Variants in PI15 observed in about 807,000 individuals in gnomAD.
The protein encoded by PI15 is 25 kDa trypsin inhibitor.
In PI15, 18 loss-of-function variants were observed where a neutral mutation model predicts 31.0. The ratio of observed to expected loss-of-function variants is 0.58; its 90% CI spans 0.40 to 0.86. The LOEUF is 0.86. Among genes scored for constraint, PI15 ranks in the 40% least tolerant of loss-of-function variants. The probability of loss-of-function intolerance (pLI) is 0.00; values close to 1 mark genes in which losing one functional copy is unlikely to be tolerated. For synonymous variants in PI15, 118 were observed against 119.1 expected (o/e 0.99, Z 0.06); for missense variants, 282 against 328.1 (o/e 0.86, Z 1.09).
chr8:74,826,660 C>T (rs2128763158), intron 2 of PI15, among the ~76,000 whole-genome samples: 1 of 152,120 alleles, frequency 6.6e-6, no homozygotes, highest in South Asian at 2.1e-4. Context: ...AGAATATGGG[C>T]TATATAATCT....
chr8:74,837,922 G>A (rs971225995), intron 2 of PI15, among the ~76,000 whole-genome samples: 1 of 151,950 alleles, frequency 6.6e-6, no homozygotes, highest in Non-Finnish European at 1.5e-5. Flanking sequence ...ACTTCTCAAA[G>A]TTCACTTTAA....
chr8:74,832,473 C>T (rs1161523193), intron 2 of PI15, among the ~76,000 whole-genome samples: 1 of 151,842 alleles, frequency 6.6e-6, no homozygotes, highest in African/African-American at 2.4e-5. Flanking sequence ...AGCATAGGTG[C>T]ATTATTTTAT....
chr8:74,844,894 C>T (rs1247651166), intron 3 of PI15: 1 of 478,952 alleles, frequency 2.1e-6, no homozygotes, highest in East Asian at 3.1e-5. Flanking sequence ...AATGACCAGA[C>T]ACATGTTTAG....
At chr8:74,827,572 G>A (rs985040058) in intron 2 of PI15, among the ~76,000 whole-genome samples, 1 of 152,076 alleles carries the variant, frequency 6.6e-6, no homozygotes, top group Non-Finnish European at 1.5e-5. Context: ...AGATGTCAAC[G>A]AGTAGGCCAA....
chr8:74,847,375 G>A (rs1263916542), intron 5 of PI15, among the ~76,000 whole-genome samples: 1 of 151,926 alleles, frequency 6.6e-6, no homozygotes, highest in African/African-American at 2.4e-5. Context: ...AGCCTGGGTG[G>A]TGGAGGTTGC....
chr8:74,827,090 G>T (rs1371618417), intron 2 of PI15, among the ~76,000 whole-genome samples: 2 of 152,066 alleles, frequency 1.3e-5, no homozygotes, highest in African/African-American at 2.4e-5. Context: ...TGAGTTTAGA[G>T]AATTTGTAGC....
Position 74,844,206 on chromosome 8 carries a change from A to G in PI15, c.392+107A>G, listed in dbSNP as rs942201100. ...AGTAATATCAACAAATTCTTATTGAATGCTCACTATGTGTCAGGTACTAAC... is the reference window on the plus strand; with the variant it reads ...AGTAATATCAACAAATTCTTATTGAGTGCTCACTATGTGTCAGGTACTAAC... On this transcript the variant is annotated intron_variant, in intron 3 of 5. Coordinates refer to ENST00000260113, the MANE Select transcript of PI15 (RefSeq NM_015886.5). 3.7e-5 allele frequency: 27 copies of G among 724,624 alleles called. No homozygotes were observed. The Admixed American group carries it at 4.8e-4, about 13-fold the overall frequency. The allele number at this position is 724,624 out of a possible 1,614,324, so 44.9% of individuals were successfully genotyped here.
At chr8:74,831,982 G>T (rs1810788472) in intron 2 of PI15, among the ~76,000 whole-genome samples, 1 of 151,948 alleles carries the variant, frequency 6.6e-6, no homozygotes. Context: ...AAGATCCAGG[G>T]TAATCATTGA....
intron 5 of PI15, among the ~76,000 whole-genome samples, chr8:74,848,704 AATATATATAAATATAT>A (rs1170783149): frequency 6.4e-4 from 92 of 143,880 alleles, no homozygotes; most frequent in African/African-American, 2.2e-3. Flanking sequence ...ATATATATAC[AATATATATAAATATAT>A]ATATATATAT....
rs921719808 is a variant in PI15 at position 74,854,516 on chromosome 8, TA to T, written c.*5268del. 5 of 152,106 alleles carry T rather than the reference TA, an allele frequency of 3.3e-5. No homozygotes were observed. The highest frequency in any genetic ancestry group is 3.9e-4 in the East Asian group (2 of 5,178). 9.4% of individuals were successfully genotyped at this position (152,106 alleles called of 1,614,324 possible). A position where few individuals can be genotyped will look rare whatever the true frequency, so the allele number is the denominator to read the frequency against. On this transcript the variant is annotated 3_prime_UTR_variant, in exon 6 of 6. Coordinates refer to ENST00000260113, the MANE Select transcript of PI15 (RefSeq NM_015886.5). ...ATGGTTTAGCTCCCTCTTTTTTCTC[TA>T]AAAACAATCAGCTAATAAAAAAAAA... is the stretch of plus-strand genomic sequence containing the variant.
chr8:74,830,471 G>C (rs1192514721), intron 2 of PI15, among the ~76,000 whole-genome samples: 1 of 152,062 alleles, frequency 6.6e-6, no homozygotes, highest in Non-Finnish European at 1.5e-5. Flanking sequence ...TAAAGTTACA[G>C]AAAGCATGAC....
At chr8:74,845,063 G>A in intron 3 of PI15, 65 bp from the exon 4 acceptor site, 3 of 1,330,118 alleles carry the variant, frequency 2.3e-6, no homozygotes, top group South Asian at 2.4e-5. Context: ...AATTTACAGT[G>A]TAACATGAGT....
chr8:74,825,006 G>T (rs936780161), intron 1 of PI15: 3 of 529,478 alleles, frequency 5.7e-6, no homozygotes, highest in African/African-American at 1.9e-5. Flanking sequence ...GCTATACAAA[G>T]TTCCTCTTAG....
intron 5 of PI15, among the ~76,000 whole-genome samples, chr8:74,846,914 T>C (rs1303116920): frequency 1.3e-5 from 2 of 152,292 alleles, no homozygotes; most frequent in Admixed American, 1.3e-4. Context: ...AGTATAAGTG[T>C]ATAAATTGGC....
chr8:74,835,560 A>C (rs1810850591), intron 2 of PI15, among the ~76,000 whole-genome samples: 1 of 152,212 alleles, frequency 6.6e-6, no homozygotes, highest in Non-Finnish European at 1.5e-5. Flanking sequence ...AGCAAAAATT[A>C]TTCTGGGGAT....
chr8:74,846,353 T>C (rs1212419851), intron 5 of PI15, among the ~76,000 whole-genome samples: 1 of 152,198 alleles, frequency 6.6e-6, no homozygotes, highest in Non-Finnish European at 1.5e-5. Flanking sequence ...TTCATAATTA[T>C]TAGAATGGGA....
rs898994364 is a variant in PI15, at chr8:74,825,407, T to A, written c.158T>A (p.Ile53Asn). 1.2e-6 allele frequency: 2 copies of A among 1,613,278 alleles called. No homozygotes were observed. The highest frequency in any genetic ancestry group is 1.3e-5 in the African/African-American group (1 of 74,848). Reference sequence around the variant, plus strand: ...AAAGCACAATTAGATTCAGCGGATATCCCCAAAGCCAGGCGGAAGCGCTAC... The same window carrying A: ...AAAGCACAATTAGATTCAGCGGATAACCCCAAAGCCAGGCGGAAGCGCTAC... ...ALKAQLDSAD[I>N]PKARRKRYIS... Residue 53 changes from isoleucine (I) to asparagine (N), a missense_variant, in exon 2 of 6, where the codon ATC becomes AAC. Transcript: ENST00000260113.
chr8:74,848,834 C>T (rs978778095), intron 5 of PI15, among the ~76,000 whole-genome samples: 1 of 150,904 alleles, frequency 6.6e-6, no homozygotes, highest in South Asian at 2.1e-4. Flanking sequence ...CCTGGGTTCA[C>T]GCCATTCTTC....
chr8:74,845,788 C>T lies in PI15; in HGVS notation c.641+291C>T, dbSNP rs559079072. 4.6e-3 allele frequency: 1,477 copies of T among 320,244 alleles called. 7 individuals carry two copies. Among genetic ancestry groups the T allele is most frequent in the Non-Finnish European group, 7.1e-3 (1,218 of 171,352 alleles). The allele number at this position is 320,244 out of a possible 1,614,324, so 19.8% of individuals were successfully genotyped here. A position where few individuals can be genotyped will look rare whatever the true frequency, so the allele number is the denominator to read the frequency against. On this transcript the variant is annotated intron_variant, in intron 5 of 5. Transcript: ENST00000260113. Reference sequence around the variant, plus strand: ...TGGCAATTGTAAAATAAACACTGTACCACACAAGCTTTTAATAGCTATATA... The same window carrying T: ...TGGCAATTGTAAAATAAACACTGTATCACACAAGCTTTTAATAGCTATATA...
Sources: allele counts gnomAD v4.1 joint callset (sites outside exome capture counted in the v4.1 genomes callset), GRCh38; gene constraint gnomAD v4.1.1; transcripts MANE v1.5; gene names NCBI Gene and HGNC (gene_info 2026-07-23, HGNC 2026-07-21).